GEN1: variants seen among roughly 807,000 people sequenced by gnomAD.
GEN1 encodes the protein flap endonuclease GEN homolog 1.
GEN1 carries 64 observed loss-of-function variants against 67.6 expected under a neutral mutation model. The observed-to-expected ratio is 0.95, with a 90% CI of 0.77 to 1.17. GEN1 has a LOEUF of 1.17. Among genes scored for constraint, GEN1 ranks in the 50% most tolerant of loss-of-function variants. The pLI is 0.00. For missense variants in GEN1, 1,058 were observed against 1,048.3 expected (o/e 1.01, Z -0.13); for synonymous variants, 371 against 359.4 (o/e 1.03, Z -0.37).
chr2:17,778,960 T>TACA (rs1271767391), intron 12 of GEN1, among the ~76,000 whole-genome samples: 1 of 152,208 alleles, frequency 6.6e-6, no homozygotes, highest in Non-Finnish European at 1.5e-5. Context: ...CTTGCTCTGT[T>TACA]GCCCAGGCTG....
rs1380676975 is a variant in GEN1 at position 17,781,616 on chromosome 2, T to C, written c.2404T>C (p.Ser802Pro). ...GAGTGTTTGCCTTGACAGACATTCCTCTGATGAACAAAGTGCCCCAGTGTT... is the reference window on the plus strand; with the variant it reads ...GAGTGTTTGCCTTGACAGACATTCCCCTGATGAACAAAGTGCCCCAGTGTT... ...KKSVCLDRHS[S>P]DEQSAPVFGK... Residue 802 changes from serine (S) to proline (P), a missense_variant, in exon 14 of 14, where the codon TCT becomes CCT. Coordinates refer to ENST00000381254, the MANE Select transcript of GEN1 (RefSeq NM_001130009.3). 1 of 1,613,898 alleles carries C rather than the reference T, an allele frequency of 6.2e-7. No individual in the cohort carries two copies. Among genetic ancestry groups the C allele is most frequent in the Non-Finnish European group, 8.5e-7 (1 of 1,179,956 alleles).
chr2:17,772,617 T>C lies in GEN1; in HGVS notation c.803-17T>C, dbSNP rs1672242679. The C allele has an allele frequency of 6.3e-7, 1 of 1,575,830 alleles. No homozygotes were observed. Among genetic ancestry groups the C allele is most frequent in the African/African-American group, 1.4e-5 (1 of 72,760 alleles). On this transcript the variant is annotated splice_polypyrimidine_tract_variant and intron_variant, in intron 7 of 13. Coordinates refer to ENST00000381254, the MANE Select transcript of GEN1 (RefSeq NM_001130009.3). Reference sequence around the variant, plus strand: ...AAAAGGCAAAAAATATTATACTTTTTTTGGGTCTCCATAAAGGTTCACCTA... The same window carrying C: ...AAAAGGCAAAAAATATTATACTTTTCTTGGGTCTCCATAAAGGTTCACCTA...
Position 17,788,742 on chromosome 2 carries a change from G to A in GEN1, c.*6803G>A, listed in dbSNP as rs967856491. ...ACCCAACTGATACCTGCCTTTCTGT[G>A]AGTGAAATCAGAAACGGCTGTTCTT... On this transcript the variant is annotated 3_prime_UTR_variant, in exon 14 of 14. Coordinates refer to ENST00000381254, the MANE Select transcript of GEN1 (RefSeq NM_001130009.3). 2 of 152,198 alleles carry A rather than the reference G, an allele frequency of 1.3e-5. No homozygotes were observed. Among genetic ancestry groups the A allele is most frequent in the African/African-American group, 4.8e-5 (2 of 41,440 alleles). 9.4% of individuals were successfully genotyped at this position (152,198 alleles called of 1,614,324 possible).
chr2:17,780,946 C>A lies in GEN1; in HGVS notation c.1734C>A (p.Ser578=). The change falls in exon 14 of 14, where the codon TCC becomes TCA. Residue 578 remains serine (S), a synonymous_variant. Transcript: ENST00000381254. The part of the protein sequence containing the change: ...SQPNTSSHNI[S]VIADLHLSTI... Reference sequence around the variant, plus strand: ...CCAATACCTCATCTCATAATATATCCGTGATTGCTGATCTACACTTGAGCA... The same window carrying A: ...CCAATACCTCATCTCATAATATATCAGTGATTGCTGATCTACACTTGAGCA... The A allele has an allele frequency of 6.2e-7, 1 of 1,612,720 alleles. No individual in the cohort carries two copies. The highest frequency in any genetic ancestry group is 8.5e-7 in the Non-Finnish European group (1 of 1,179,534).
chr2:17,773,357 C>CAGAT, intron 10 of GEN1, 58 bp downstream of exon 10: 1 of 1,016,044 alleles, frequency 9.8e-7, no homozygotes, highest in South Asian at 1.5e-5. Flanking sequence ...AAGATAGGAA[C>CAGAT]AGATATTCAC....
At chr2:17,771,123 C>T (rs1186960478) in intron 6 of GEN1, 73 bp from the exon 7 acceptor site, 2 of 864,362 alleles carry the variant, frequency 2.3e-6, no homozygotes, top group East Asian at 4.9e-5. Flanking sequence ...ATAGATCAGC[C>T]TGATATTTGA....
chr2:17,781,983 A>T lies in GEN1; in HGVS notation c.*44A>T. The stretch of plus-strand genomic sequence containing the variant: ...ATAACTTAACTATTTTAGTACTATC[A>T]GCAATAGCAGAGACAGAGGGAAGGT... On this transcript the variant is annotated 3_prime_UTR_variant, in exon 14 of 14. Transcript: ENST00000381254. The T allele has an allele frequency of 9.3e-7, 1 of 1,074,802 alleles. No individual in the cohort carries two copies. Among genetic ancestry groups the T allele is most frequent in the South Asian group, 1.7e-5 (1 of 60,326 alleles). 66.6% of individuals were successfully genotyped at this position (1,074,802 alleles called of 1,614,324 possible). A position where few individuals can be genotyped will look rare whatever the true frequency, so the allele number is the denominator to read the frequency against.
chr2:17,772,673 G>T lies in GEN1; in HGVS notation c.842G>T (p.Cys281Phe). The T allele has an allele frequency of 6.2e-7, 1 of 1,612,118 alleles. No homozygotes were observed. The highest frequency in any genetic ancestry group is 8.5e-7 in the Non-Finnish European group (1 of 1,178,734). ...KDHERNGCRL[C>F]KSDKYCEPHD... The stretch of plus-strand genomic sequence containing the variant: ...CATGAACGTAATGGATGCAGATTAT[G>T]TAAAAGTGATAAATATTGTGAGCCA... Residue 281 changes from cysteine (C) to phenylalanine (F), a missense_variant, in exon 8 of 14, where the codon TGT becomes TTT. Coordinates refer to ENST00000381254, the MANE Select transcript of GEN1 (RefSeq NM_001130009.3).
intron 11 of GEN1, among the ~76,000 whole-genome samples, chr2:17,775,871 C>T (rs573092237): frequency 2.6e-5 from 4 of 151,946 alleles, no homozygotes; most frequent in Non-Finnish European, 4.4e-5. Flanking sequence ...CGTGGTGGCT[C>T]GCACCTGTAA....
chr2:17,759,368 G>C (rs1671568326), intron 1 of GEN1, among the ~76,000 whole-genome samples: 1 of 152,140 alleles, frequency 6.6e-6, no homozygotes, highest in Non-Finnish European at 1.5e-5. Context: ...AGTTTTCTTT[G>C]GGTGGTGGTT....
At chr2:17,778,202 A>ATATATATGTATACACACATATATG (rs1553331064) in intron 12 of GEN1, 139 bp downstream of exon 12, 144 of 224,520 alleles carry the variant, frequency 6.4e-4, no homozygotes, top group Admixed American at 1.6e-3. Context: ...ACACACATAT[A>ATATATATGTATACACACATATATG]TGTGTATATA....
At chr2:17,767,544 G>A (rs1671986456) in intron 5 of GEN1, among the ~76,000 whole-genome samples, 1 of 152,036 alleles carries the variant, frequency 6.6e-6, no homozygotes, top group African/African-American at 2.4e-5. Flanking sequence ...AAAGAAAGCA[G>A]GAGGAAAGAA....
Position 17,780,780 on chromosome 2 carries a change from C to T in GEN1, c.1568C>T (p.Ser523Phe), listed in dbSNP as rs772986916. ...PDPTLPQESISASLNSLLLPK... is the reference protein window; with the variant it reads ...PDPTLPQESIFASLNSLLLPK... ...CCTACATTACCACAGGAATCTATTT[C>T]TGCCTCATTGAATAGCTTGCTTTTA... is the stretch of plus-strand genomic sequence containing the variant. The change falls in exon 14 of 14, where the codon TCT becomes TTT. Residue 523 changes from serine to phenylalanine, a missense_variant. By Grantham distance (155) the Ser-to-Phe change is radical. Transcript: ENST00000381254. The T allele has an allele frequency of 1.9e-6, 3 of 1,613,850 alleles. No individual in the cohort carries two copies. Among genetic ancestry groups the T allele is most frequent in the Non-Finnish European group, 1.7e-6 (2 of 1,179,910 alleles).
At position 17,754,176 on chromosome 2, in the gene GEN1, C is replaced by A. The variant is rs1479653083; in HGVS notation, c.-185C>A. On this transcript the variant is annotated 5_prime_UTR_variant, in exon 1 of 14. Coordinates refer to ENST00000381254, the MANE Select transcript of GEN1 (RefSeq NM_001130009.3). ...CGCTTCCTGGTGCTCCTGGGCCTGG[C>A]GGTTGAGCCCGGGGAGCTAGTCTTT... 5.9e-5 allele frequency: 9 copies of A among 151,324 alleles called. No homozygotes were observed. Among genetic ancestry groups the A allele is most frequent in the African/African-American group, 2.2e-4 (9 of 41,232 alleles). The allele number at this position is 151,324 out of a possible 1,614,324, so 9.4% of individuals were successfully genotyped here. A position where few individuals can be genotyped will look rare whatever the true frequency, so the allele number is the denominator to read the frequency against.
At chr2:17,766,500 G>T in intron 4 of GEN1, 79 bp from the exon 5 acceptor site, 2 of 785,770 alleles carry the variant, frequency 2.5e-6, no homozygotes, top group East Asian at 2.6e-5. Flanking sequence ...AGATAACATT[G>T]ACAAATTATT....
At chr2:17,755,160 A>G (rs1368559561) in intron 1 of GEN1, 3 of 152,258 alleles carry the variant, frequency 2.0e-5, no homozygotes, top group Non-Finnish European at 4.4e-5. Context: ...GGATCAACGA[A>G]AAATATGACA....
intron 1 of GEN1, among the ~76,000 whole-genome samples, chr2:17,758,558 G>A (rs1454786061): frequency 6.6e-6 from 1 of 152,164 alleles, no homozygotes; most frequent in Non-Finnish European, 1.5e-5. Flanking sequence ...TGGGGCTTCA[G>A]GATGTGAAAT....
Position 17,784,306 on chromosome 2 carries a change from T to C in GEN1, c.*2367T>C, listed in dbSNP as rs1036079549. ...CACCCAATGTCTACAATCAAAAAGA[T>C]AATAACTAGTATTGATGAGGATGTG... On this transcript the variant is annotated 3_prime_UTR_variant, in exon 14 of 14. Coordinates refer to ENST00000381254, the MANE Select transcript of GEN1 (RefSeq NM_001130009.3). The C allele has an allele frequency of 2.6e-5, 4 of 152,120 alleles. No individual in the cohort carries two copies. The highest frequency in any genetic ancestry group is 4.4e-5 in the Non-Finnish European group (3 of 68,012). The allele number at this position is 152,120 out of a possible 1,614,324, so 9.4% of individuals were successfully genotyped here.
chr2:17,775,717 C>G (rs767516252), intron 11 of GEN1, among the ~76,000 whole-genome samples: 2 of 152,120 alleles, frequency 1.3e-5, no homozygotes, highest in Non-Finnish European at 2.9e-5. Flanking sequence ...GTGGAGAAAT[C>G]CAGTGGACAT....
Sources: gnomAD v4.1 joint callset for allele counts (sites outside exome capture counted in the v4.1 genomes callset) on GRCh38, gnomAD v4.1.1 for gene constraint, MANE v1.5 for transcripts, NCBI Gene and HGNC (gene_info 2026-07-23, HGNC 2026-07-21) for gene names.